Variants in ZNF331 observed in about 807,000 individuals in gnomAD.
ZNF331 encodes C2H2-like zinc finger protein rearranged in thyroid adenomas.
Under a neutral mutation model 7.0 loss-of-function variants are expected in ZNF331, and 2 were observed. The ratio of observed to expected loss-of-function variants is 0.29; its 90% CI spans 0.12 to 0.90. ZNF331 has a LOEUF of 0.90. Ranked by LOEUF, ZNF331 falls within the 40% of genes least tolerant of loss-of-function variation. ZNF331 has a pLI of 0.58. For synonymous variants in ZNF331, 196 were observed against 205.4 expected (o/e 0.95, Z 0.39); for missense variants, 432 against 587.7 (o/e 0.74, Z 2.74).
At chr19:53,544,184 G>C (rs908462006) in intron 2 of ZNF331, among the ~76,000 whole-genome samples, 2 of 148,322 alleles carry the variant, frequency 1.3e-5, no homozygotes, top group African/African-American at 5.0e-5. Flanking sequence ...TTGAGATCAC[G>C]CCACTGCACT....
At chr19:53,552,441 G>A (rs2089069156) in intron 2 of ZNF331, among the ~76,000 whole-genome samples, 2 of 152,082 alleles carry the variant, frequency 1.3e-5, no homozygotes, top group African/African-American at 4.8e-5. Flanking sequence ...ACAGCAGGCC[G>A]GGTGCAGTGG....
rs750984929 is a variant in ZNF331 at position 53,569,332 on chromosome 19, A to T, written c.-45A>T. On this transcript the variant is annotated 5_prime_UTR_variant, in exon 4 of 6. Coordinates refer to ENST00000449416, the MANE Select transcript of ZNF331 (RefSeq NM_001079906.2). ...TAGCCTCTCGGAATTTGTCTTCTTC[A>T]GTGGAAACCCCGAGAAGACTGATCA... The T allele has an allele frequency of 1.2e-6, 2 of 1,611,100 alleles. No homozygotes were observed. The highest frequency in any genetic ancestry group is 1.1e-5 in the South Asian group (1 of 90,742).
At chr19:53,563,916 C>T (rs2147577360) in intron 3 of ZNF331, 1 of 151,644 alleles carries the variant, frequency 6.6e-6, no homozygotes, top group Admixed American at 6.6e-5. Flanking sequence ...ACCTGTAGTC[C>T]CAGCTACTCA....
upstream of ZNF331, chr19:53,537,542 C>T (rs2087810111): frequency 6.6e-6 from 1 of 152,372 alleles, no homozygotes. Context: ...CCAGGAAGGG[C>T]TTAGCTTGGG....
At chr19:53,553,292 CA>C (rs978247227) in intron 2 of ZNF331, among the ~76,000 whole-genome samples, 1,725 of 98,282 alleles carry the variant, frequency 0.018, 24 homozygotes, top group African/African-American at 0.056. Context: ...AACTCCATCT[CA>C]AAAAAAAAAA....
intron 2 of ZNF331, among the ~76,000 whole-genome samples, chr19:53,551,517 T>C (rs1478877254): frequency 6.6e-6 from 1 of 152,126 alleles, no homozygotes; most frequent in Non-Finnish European, 1.5e-5. Flanking sequence ...AAACCTCTCA[T>C]ATATTTACAC....
At chr19:53,508,397 T>G in the ZNF331 span, among the ~76,000 whole-genome samples, 2 of 152,220 alleles carry the variant, frequency 1.3e-5, no homozygotes, top group African/African-American at 4.8e-5. Flanking sequence ...ATTTTCACTC[T>G]GACATACTGA....
intron 2 of ZNF331, among the ~76,000 whole-genome samples, chr19:53,551,669 T>C (rs2089019692): frequency 6.6e-6 from 1 of 151,942 alleles, no homozygotes; most frequent in Non-Finnish European, 1.5e-5. Flanking sequence ...AAATAGGAGG[T>C]TTGCATCCTA....
rs1245584883 is a variant in ZNF331, at chr19:53,571,843, A to G, written c.136+113A>G. 1.0e-5 allele frequency: 14 copies of G among 1,406,502 alleles called. No individual in the cohort carries two copies. The highest frequency in any genetic ancestry group is 1.3e-5 in the Non-Finnish European group (14 of 1,043,264). The allele number at this position is 1,406,502 out of a possible 1,614,324, so 87.1% of individuals were successfully genotyped here. A position where few individuals can be genotyped will look rare whatever the true frequency, so the allele number is the denominator to read the frequency against. On this transcript the variant is annotated intron_variant, in intron 5 of 5. Coordinates refer to ENST00000449416, the MANE Select transcript of ZNF331 (RefSeq NM_001079906.2). The surrounding 1 kb of genome is among the most constrained non-coding windows in gnomAD (Gnocchi z 4.7). ...GTTGAATTTCTTCTTCCTGTCCCCA[A>G]GGAATGTATTGAGCCTTATTGATGT...
intron 2 of ZNF331, among the ~76,000 whole-genome samples, chr19:53,528,732 A>T (rs879443510): frequency 1.3e-5 from 2 of 152,140 alleles, no homozygotes; most frequent in Non-Finnish European, 2.9e-5. Flanking sequence ...AATGTATTTT[A>T]TGTCATGATA....
rs1320012831 is a variant in ZNF331 at position 53,540,170 on chromosome 19, ACT to A, written c.-138+890_-138+891del. 3.3e-5 allele frequency among the ~76,000 whole-genome samples: 5 copies of A among 152,166 alleles called. No homozygotes were observed. The South Asian group carries it at 1.0e-3, about 32-fold the overall frequency. On this transcript the variant is annotated intron_variant, in intron 2 of 5. Transcript: ENST00000449416. ...CCATACTCTATTGTGTTTTGCACAC[ACT>A]CCTTAATTTATTCTTACCTTAGTCT...
At position 53,560,217 on chromosome 19, in the gene ZNF331, CACAT is replaced by C. The variant is rs2089792744; in HGVS notation, c.-74+4311_-74+4314del. 6.7e-6 allele frequency among the ~76,000 whole-genome samples: 1 copy of C among 149,490 alleles called. No individual in the cohort carries two copies. Among genetic ancestry groups the C allele is most frequent in the South Asian group, 2.2e-4 (1 of 4,626 alleles). ...TATATACACACACCATATATATACACACATATATACACATCCACACCATATATAC... is the reference window on the plus strand; with the variant it reads ...TATATACACACACCATATATATACACATATACACATCCACACCATATATAC... On this transcript the variant is annotated intron_variant, in intron 3 of 5. Coordinates refer to ENST00000449416, the MANE Select transcript of ZNF331 (RefSeq NM_001079906.2). The surrounding 1 kb of genome is among the most constrained non-coding windows in gnomAD (Gnocchi z 4.3).
At chr19:53,506,456 C>CTCTCTCTG in the ZNF331 span, among the ~76,000 whole-genome samples, 1 of 102,030 alleles carries the variant, frequency 9.8e-6, no homozygotes, top group African/African-American at 4.4e-5. Flanking sequence ...CTCTCTCTCT[C>CTCTCTCTG]TCTCTCTCTC....
chr19:53,548,225 C>T (rs1272248549), intron 2 of ZNF331, among the ~76,000 whole-genome samples: 2 of 152,134 alleles, frequency 1.3e-5, no homozygotes, highest in Non-Finnish European at 2.9e-5. Context: ...TCTCCTGCCT[C>T]AGCCTCCGAG....
intron 2 of ZNF331, among the ~76,000 whole-genome samples, chr19:53,542,628 C>T (rs1218802561): frequency 2.0e-5 from 3 of 152,186 alleles, no homozygotes; most frequent in Non-Finnish European, 2.9e-5. Context: ...TTTTCTTATG[C>T]AGAACAATGT....
intron 4 of ZNF331, among the ~76,000 whole-genome samples, chr19:53,569,607 G>A (rs954251690): frequency 5.9e-5 from 9 of 152,096 alleles, no homozygotes; most frequent in African/African-American, 1.9e-4. Flanking sequence ...CCCTTTTTTG[G>A]CAAGGGTAAT....
In ZNF331 at chr19:53,569,270, C is replaced by T. The variant is rs1038819095; in HGVS notation, c.-73-34C>T. 12 of 1,277,606 alleles carry T rather than the reference C, an allele frequency of 9.4e-6. No homozygotes were observed. The African/African-American group carries it at 1.8e-4, about 19-fold the overall frequency. The allele number at this position is 1,277,606 out of a possible 1,614,324, so 79.1% of individuals were successfully genotyped here. ...TACATCACTATGGGGACCCCAGATG[C>T]ACCTCGTTTTAATCTCTTTTTTTCC... is the stretch of plus-strand genomic sequence containing the variant. On this transcript the variant is annotated intron_variant, in intron 3 of 5. Transcript: ENST00000449416.
intron 2 of ZNF331, among the ~76,000 whole-genome samples, chr19:53,546,241 A>G (rs886533885): frequency 3.3e-5 from 5 of 151,550 alleles, no homozygotes; most frequent in South Asian, 2.1e-4. Flanking sequence ...CTGACCTAAT[A>G]TTATATATCT....
intron 2 of ZNF331, among the ~76,000 whole-genome samples, chr19:53,544,086 G>A (rs1240671375): frequency 2.6e-5 from 4 of 151,110 alleles, no homozygotes; most frequent in East Asian, 1.9e-4. Context: ...AATTGGCTGG[G>A]CGTGGTGGCA....
Sources: gnomAD v4.1 joint callset for allele counts (sites outside exome capture counted in the v4.1 genomes callset) on GRCh38, gnomAD v4.1.1 for gene constraint, Gnocchi (gnomAD v3.1) non-coding constraint, MANE v1.5 for transcripts, NCBI Gene and HGNC (gene_info 2026-07-23, HGNC 2026-07-21) for gene names.